Variants in LINGO2 observed in about 807,000 individuals in gnomAD.
The protein encoded by LINGO2 is leucine rich repeat and Ig domain containing 2.
Under a neutral mutation model 30.6 loss-of-function variants are expected in LINGO2, and 14 were observed. The observed-to-expected ratio is 0.46, with a 90% CI of 0.30 to 0.72. The LOEUF (loss-of-function observed/expected upper bound fraction) is 0.72, where lower values mean the gene tolerates loss of function less well. Among genes scored for constraint, LINGO2 ranks in the 30% least tolerant of loss-of-function variants. The pLI is 0.07. For missense variants in LINGO2, 729 were observed against 751.7 expected, an observed-to-expected ratio of 0.97 and a Z score of 0.35; for synonymous variants, 317 against 288.5, an observed-to-expected ratio of 1.10 and a Z score of -1.00.
chr9:28,698,848 C>T, the LINGO2 span, among the ~76,000 whole-genome samples: 1 of 151,954 alleles, frequency 6.6e-6, no homozygotes, highest in African/African-American at 2.4e-5. Context: ...TCAAGACCAA[C>T]TTGGGCAACA....
At chr9:28,228,332 T>C (rs771528778) in intron 4 of LINGO2, among the ~76,000 whole-genome samples, 5 of 152,022 alleles carry the variant, frequency 3.3e-5, no homozygotes, top group Admixed American at 6.6e-5. Flanking sequence ...CCCAGCTAAC[T>C]TTCTATATAG....
At chr9:28,192,254 T>A (rs923249920) in intron 4 of LINGO2, among the ~76,000 whole-genome samples, 11 of 152,096 alleles carry the variant, frequency 7.2e-5, no homozygotes, top group Middle Eastern at 3.2e-3. Flanking sequence ...TATATACATG[T>A]TATATATATA....
At chr9:28,635,472 G>C (rs1411577912) in intron 1 of LINGO2, among the ~76,000 whole-genome samples, 1 of 152,094 alleles carries the variant, frequency 6.6e-6, no homozygotes, top group Non-Finnish European at 1.5e-5. Flanking sequence ...AGTGTAGAGA[G>C]TATTCAGAGA....
chr9:28,919,413 T>C, the LINGO2 span, among the ~76,000 whole-genome samples: 8 of 152,172 alleles, frequency 5.3e-5, no homozygotes, highest in Admixed American at 3.3e-4. Flanking sequence ...TACTGATTCC[T>C]TTTCCCAAAA....
chr9:28,546,334 T>C (rs956034776), intron 1 of LINGO2, among the ~76,000 whole-genome samples: 2 of 151,998 alleles, frequency 1.3e-5, no homozygotes, highest in African/African-American at 4.8e-5. Context: ...CTATGTGACA[T>C]GGGAGCCTTC....
chr9:28,108,615 A>ACTT (rs1405174564), intron 4 of LINGO2, among the ~76,000 whole-genome samples: 1 of 152,028 alleles, frequency 6.6e-6, no homozygotes, highest in Non-Finnish European at 1.5e-5. Flanking sequence ...TTCCCTCTTT[A>ACTT]CTTTTCCTGT....
intron 4 of LINGO2, among the ~76,000 whole-genome samples, chr9:28,121,923 C>T (rs1012829479): frequency 6.6e-6 from 1 of 152,098 alleles, no homozygotes; most frequent in Non-Finnish European, 1.5e-5. Context: ...ATTTAATGCT[C>T]TTTTAAATTC....
chr9:28,573,155 T>C (rs1464386515), intron 1 of LINGO2, among the ~76,000 whole-genome samples: 1 of 152,200 alleles, frequency 6.6e-6, no homozygotes, highest in Admixed American at 6.5e-5. Context: ...CAGTAAAAGC[T>C]GAAGGCAATC....
chr9:28,734,979 T>C, the LINGO2 span, among the ~76,000 whole-genome samples: 1 of 152,204 alleles, frequency 6.6e-6, no homozygotes, highest in African/African-American at 2.4e-5. Context: ...TGAGTAATAC[T>C]GCATTTTATG....
At chr9:28,982,620 C>A in the LINGO2 span, among the ~76,000 whole-genome samples, 1 of 151,604 alleles carries the variant, frequency 6.6e-6, no homozygotes, top group East Asian at 1.9e-4. Flanking sequence ...TGGTAGCTAT[C>A]CCTTCAGAGA....
At chr9:28,948,643 G>T in the LINGO2 span, among the ~76,000 whole-genome samples, 1 of 151,914 alleles carries the variant, frequency 6.6e-6, no homozygotes, top group African/African-American at 2.4e-5. Flanking sequence ...GCCAGGCTAG[G>T]TCTATACCCT....
chr9:28,736,096 A>T, the LINGO2 span, among the ~76,000 whole-genome samples: 14 of 152,212 alleles, frequency 9.2e-5, no homozygotes, highest in Non-Finnish European at 1.6e-4. Flanking sequence ...TAACTAGGTT[A>T]TTCTAGCTAA....
chr9:28,223,900 T>G (rs1217285628), intron 4 of LINGO2, among the ~76,000 whole-genome samples: 1 of 152,132 alleles, frequency 6.6e-6, no homozygotes, highest in Non-Finnish European at 1.5e-5. Context: ...ATAATGGGTT[T>G]TGTAGTAGAT....
chr9:28,731,167 T>G, the LINGO2 span, among the ~76,000 whole-genome samples: 147 of 152,134 alleles, frequency 9.7e-4, no homozygotes, highest in African/African-American at 3.2e-3. Flanking sequence ...TTTTGTATTT[T>G]TAGTAGAGGC....
chr9:28,174,521 A>G (rs1828688717), intron 4 of LINGO2, among the ~76,000 whole-genome samples: 2 of 152,104 alleles, frequency 1.3e-5, no homozygotes, highest in Non-Finnish European at 1.5e-5. Context: ...ACACACACAT[A>G]TATTTCACAT....
intron 4 of LINGO2, among the ~76,000 whole-genome samples, chr9:28,016,338 T>A (rs1355762787): frequency 2.0e-5 from 3 of 152,152 alleles, no homozygotes; most frequent in African/African-American, 7.2e-5. Flanking sequence ...GGTCAGGCTA[T>A]CTGAGGTACA....
the LINGO2 span, among the ~76,000 whole-genome samples, chr9:28,913,983 G>A: frequency 1.3e-5 from 2 of 151,880 alleles, no homozygotes; most frequent in South Asian, 2.1e-4. Flanking sequence ...CTGACATATC[G>A]GCTTCATTGT....
intron 1 of LINGO2, among the ~76,000 whole-genome samples, chr9:28,586,732 T>C (rs757801736): frequency 2.0e-5 from 3 of 151,994 alleles, no homozygotes; most frequent in Non-Finnish European, 4.4e-5. Flanking sequence ...ATTTCAGCTC[T>C]TATAGAAGGA....
At chr9:28,593,697 C>T (rs17833094) in intron 1 of LINGO2, among the ~76,000 whole-genome samples, 5,560 of 139,780 alleles carry the variant, frequency 0.04, 132 homozygotes, top group African/African-American at 0.052. Context: ...ATCATTTCAC[C>T]AGAAAGTACT....
Sources: gnomAD v4.1 joint callset for allele counts (sites outside exome capture counted in the v4.1 genomes callset) on GRCh38, gnomAD v4.1.1 for gene constraint, MANE v1.5 for transcripts, NCBI Gene and HGNC (gene_info 2026-07-23, HGNC 2026-07-21) for gene names.